The following SV2C variants were observed in gnomAD, a reference collection of about 807,000 sequenced individuals.
SV2C encodes synaptic vesicle glycoprotein 2C, also known as solute carrier family 22 member B3.
Under a neutral mutation model 79.7 loss-of-function variants are expected in SV2C, and 49 were observed. That is an observed-to-expected ratio of 0.61 (90% CI 0.49 to 0.78). The LOEUF (loss-of-function observed/expected upper bound fraction) is 0.78. SV2C is among the 30% of genes least tolerant of loss of function. The probability of loss-of-function intolerance (pLI) is 0.00; values close to 1 mark genes in which losing one functional copy is unlikely to be tolerated. For missense variants in SV2C, 833 were observed against 912.9 expected, an observed-to-expected ratio of 0.91 and a Z score of 1.13; for synonymous variants, 334 against 333.2, an observed-to-expected ratio of 1.00 and a Z score of -0.03.
the SV2C span, among the ~76,000 whole-genome samples, chr5:75,935,154 A>T: frequency 6.6e-6 from 1 of 152,318 alleles, no homozygotes; most frequent in Admixed American, 6.5e-5. Flanking sequence ...TCTAAAATAG[A>T]TATTCAAAAT....
intron 4 of SV2C, among the ~76,000 whole-genome samples, chr5:76,218,892 G>A (rs1325442205): frequency 5.2e-3 from 6 of 1,160 alleles, no homozygotes; most frequent in African/African-American, 0.023. Flanking sequence ...TTTGGGTCAG[G>A]GAGGAAGAAT....
intron 12 of SV2C, among the ~76,000 whole-genome samples, chr5:76,317,534 A>C (rs1748669428): frequency 6.6e-6 from 1 of 152,092 alleles, no homozygotes; most frequent in Non-Finnish European, 1.5e-5. Context: ...GGCCTTTTTA[A>C]AATGTGGCAC....
the SV2C span, among the ~76,000 whole-genome samples, chr5:75,936,468 G>T: frequency 6.6e-6 from 1 of 152,116 alleles, no homozygotes; most frequent in Non-Finnish European, 1.5e-5. Flanking sequence ...GTATGTAAAG[G>T]TTCATCCATA....
At chr5:75,927,231 A>T in the SV2C span, among the ~76,000 whole-genome samples, 2 of 152,146 alleles carry the variant, frequency 1.3e-5, no homozygotes, top group African/African-American at 4.8e-5. Flanking sequence ...TAGCCGAAAT[A>T]TGGAAACAAC....
intron 3 of SV2C, among the ~76,000 whole-genome samples, chr5:76,206,376 G>C (rs1303485492): frequency 2.0e-5 from 3 of 152,188 alleles, no homozygotes; most frequent in Admixed American, 6.5e-5. Flanking sequence ...CCCCTGAGCA[G>C]TTCCAAGGGA....
the SV2C span, among the ~76,000 whole-genome samples, chr5:75,975,706 C>A: frequency 2.0e-5 from 3 of 152,054 alleles, no homozygotes; most frequent in Non-Finnish European, 4.4e-5. Context: ...TATGCAGAGC[C>A]TTGGGATGCA....
chr5:76,135,373 A>C (rs577879825), intron 2 of SV2C, among the ~76,000 whole-genome samples: 2 of 152,300 alleles, frequency 1.3e-5, no homozygotes, highest in African/African-American at 4.8e-5. Flanking sequence ...CAACACTGCC[A>C]ATGACCTTAA....
the SV2C span, among the ~76,000 whole-genome samples, chr5:75,895,557 G>A: frequency 1.1e-4 from 17 of 152,232 alleles, no homozygotes; most frequent in East Asian, 2.5e-3. Flanking sequence ...ATAATTCAGA[G>A]ATTAGAGTCG....
At chr5:75,852,167 G>C in the SV2C span, among the ~76,000 whole-genome samples, 1 of 152,142 alleles carries the variant, frequency 6.6e-6, no homozygotes, top group Non-Finnish European at 1.5e-5. Context: ...CCTGTCAGGT[G>C]GTGGGGGGCT....
chr5:76,196,099 C>T (rs1341505107), intron 3 of SV2C, among the ~76,000 whole-genome samples: 5 of 152,136 alleles, frequency 3.3e-5, no homozygotes, highest in African/African-American at 9.7e-5. Context: ...GTTAGTGATA[C>T]ATCACCACAA....
chr5:75,904,053 C>CACGTGTGTTTAAAGCTT, the SV2C span, among the ~76,000 whole-genome samples: 1 of 152,126 alleles, frequency 6.6e-6, no homozygotes, highest in Admixed American at 6.5e-5. Flanking sequence ...TACGTAAGCA[C>CACGTGTGTTTAAAGCTT]ACGTGTGTTT....
chr5:76,056,054 G>A, the SV2C span, among the ~76,000 whole-genome samples: 1 of 152,110 alleles, frequency 6.6e-6, no homozygotes, highest in Non-Finnish European at 1.5e-5. Context: ...GTGAGAAAGG[G>A]CATCCTTGTC....
intron 12 of SV2C, among the ~76,000 whole-genome samples, chr5:76,302,368 T>G (rs1748036495): frequency 6.6e-6 from 1 of 152,164 alleles, no homozygotes; most frequent in Non-Finnish European, 1.5e-5. Flanking sequence ...GACATGCCTG[T>G]AATCCCAGCA....
chr5:76,007,972 T>A, the SV2C span, among the ~76,000 whole-genome samples: 1 of 152,142 alleles, frequency 6.6e-6, no homozygotes, highest in African/African-American at 2.4e-5. Flanking sequence ...TGGGTCAAGG[T>A]CCATAAAGAA....
At chr5:76,195,175 G>A (rs1744236139) in intron 3 of SV2C, 76 bp downstream of exon 3, 1 of 1,475,296 alleles carries the variant, frequency 6.8e-7, no homozygotes. Flanking sequence ...ACCTTATTGG[G>A]AGGAAATTAT....
chr5:76,165,659 C>T (rs935312491), intron 2 of SV2C, among the ~76,000 whole-genome samples: 2 of 152,020 alleles, frequency 1.3e-5, no homozygotes, highest in Non-Finnish European at 2.9e-5. Flanking sequence ...CCTTGACACC[C>T]ATCGGTTGTT....
chr5:75,892,275 A>C, the SV2C span, among the ~76,000 whole-genome samples: 2 of 151,764 alleles, frequency 1.3e-5, no homozygotes, highest in African/African-American at 2.4e-5. Context: ...AATTTGTGCA[A>C]ATTTATGAGG....
chr5:76,015,743 T>C, the SV2C span, among the ~76,000 whole-genome samples: 2 of 152,176 alleles, frequency 1.3e-5, no homozygotes, highest in East Asian at 3.8e-4. Flanking sequence ...TTTAACAACA[T>C]GCTCAACTAA....
At position 76,326,916 on chromosome 5, in the gene SV2C, A is replaced by G. The variant is rs1254090012; in HGVS notation, c.*1369A>G. On this transcript the variant is annotated 3_prime_UTR_variant, in exon 13 of 13. Transcript: ENST00000502798. The stretch of plus-strand genomic sequence containing the variant: ...GTCCTTTTTACACCTCTTCTTTGAA[A>G]TCTGAACCTTCCTTGTAGACTTGCA... The G allele has an allele frequency of 6.6e-6, 1 of 152,190 alleles. No individual in the cohort carries two copies. The highest frequency in any genetic ancestry group is 2.4e-5 in the African/African-American group (1 of 41,434). The allele number at this position is 152,190 out of a possible 1,614,324, so 9.4% of individuals were successfully genotyped here.
Sources: gnomAD v4.1 joint callset for allele counts (sites outside exome capture counted in the v4.1 genomes callset) on GRCh38, gnomAD v4.1.1 for gene constraint, MANE v1.5 for transcripts, NCBI Gene and HGNC (gene_info 2026-07-23, HGNC 2026-07-21) for gene names.